Variants in NOVA2 observed in about 807,000 individuals in gnomAD.
NOVA2 encodes NOVA alternative splicing regulator 2, also known as RNA-binding protein Nova-2.
In NOVA2, 9 loss-of-function variants were observed where a neutral mutation model predicts 22.5. That is an observed-to-expected ratio of 0.40 (90% CI 0.24 to 0.70). The LOEUF is 0.70. NOVA2 is among the 30% of genes least tolerant of loss of function. The probability of loss-of-function intolerance (pLI) is 0.38; values close to 1 mark genes in which losing one functional copy is unlikely to be tolerated. For missense variants in NOVA2, 383 were observed against 682.8 expected (o/e 0.56, Z 4.89); for synonymous variants, 318 against 335.2 (o/e 0.95, Z 0.56).
At chr19:45,965,401 T>C (rs908788786) in intron 1 of NOVA2, among the ~76,000 whole-genome samples, 8 of 152,192 alleles carry the variant, frequency 5.3e-5, no homozygotes, top group Non-Finnish European at 1.2e-4. Flanking sequence ...CTGAGAATTT[T>C]TGTATGAAAC....
chr19:45,940,117 C>T lies in NOVA2; in HGVS notation c.1225G>A (p.Val409Met). 6.2e-7 allele frequency: 1 copy of T among 1,613,148 alleles called. No individual in the cohort carries two copies. The highest frequency in any genetic ancestry group is 8.5e-7 in the Non-Finnish European group (1 of 1,179,856). ...KLAAESAKEL[V>M]EIAVPENLVG... ...AGGTTCTCAGGCACCGCAATCTCCA[C>T]CAGCTCCTTGGCACTCTCAGCCGCC... The change falls in exon 4 of 4, where the codon GTG becomes ATG. Residue 409 changes from valine (V) to methionine (M), a missense_variant. Coordinates refer to ENST00000263257, the MANE Select transcript of NOVA2 (RefSeq NM_002516.4).
At chr19:45,944,790 G>A (rs987797099) in intron 3 of NOVA2, among the ~76,000 whole-genome samples, 1 of 152,228 alleles carries the variant, frequency 6.6e-6, no homozygotes, top group Non-Finnish European at 1.5e-5. Context: ...GGAGGAAGGG[G>A]ATTGGGGGTA....
At chr19:45,960,785 T>C (rs1008856434) in intron 2 of NOVA2, among the ~76,000 whole-genome samples, 2 of 152,004 alleles carry the variant, frequency 1.3e-5, no homozygotes, top group Non-Finnish European at 2.9e-5. Flanking sequence ...AATGAGCTCA[T>C]GAATATGCAG....
rs187729296 is a variant in NOVA2 at position 45,936,168 on chromosome 19, T to A, written c.*3695A>T. 2.0e-5 allele frequency: 3 copies of A among 152,316 alleles called. No homozygotes were observed. In the East Asian group the frequency reaches 5.8e-4, roughly 29 times the overall value. 9.4% of individuals were successfully genotyped at this position (152,316 alleles called of 1,614,324 possible). A position where few individuals can be genotyped will look rare whatever the true frequency, so the allele number is the denominator to read the frequency against. On this transcript the variant is annotated 3_prime_UTR_variant, in exon 4 of 4. Coordinates refer to ENST00000263257, the MANE Select transcript of NOVA2 (RefSeq NM_002516.4). ...TGGCACATCGAACCCCCTCTTCTCA[T>A]AGGAGCTTTGAGGTCCTTCTCTTGA...
Position 45,961,170 on chromosome 19 carries a change from G to T in NOVA2, c.86-17C>A. ...CGCCTTCCTCTGCGGGGGCACACAG[G>T]GTGGAGGGGAGTCAGCGGGGGAGGG... On this transcript the variant is annotated splice_polypyrimidine_tract_variant and intron_variant, in intron 1 of 3. Transcript: ENST00000263257. The T allele has an allele frequency of 6.3e-7, 1 of 1,595,408 alleles. No homozygotes were observed.
intron 1 of NOVA2, among the ~76,000 whole-genome samples, chr19:45,972,876 A>G (rs1355575513): frequency 3.9e-5 from 6 of 151,990 alleles, no homozygotes; most frequent in Non-Finnish European, 5.9e-5. Context: ...CTCCCGGTCC[A>G]CAGGCCTCTA....
intron 1 of NOVA2, among the ~76,000 whole-genome samples, chr19:45,964,326 C>T (rs1401006975): frequency 6.7e-6 from 1 of 148,750 alleles, no homozygotes; most frequent in Non-Finnish European, 1.5e-5. Context: ...ATTACAGGTG[C>T]CCACAACCAT....
chr19:45,934,222 A>C lies in NOVA2; in HGVS notation c.*5641T>G, dbSNP rs1249892997. On this transcript the variant is annotated 3_prime_UTR_variant, in exon 4 of 4. Transcript: ENST00000263257. ...CAAGCCTGGAGAGGAGGCTACCTTAAGGTCCTAAGAAGGATTTAGCAATCG... is the reference window on the plus strand; with the variant it reads ...CAAGCCTGGAGAGGAGGCTACCTTACGGTCCTAAGAAGGATTTAGCAATCG... The C allele has an allele frequency of 6.6e-6, 1 of 152,196 alleles. No individual in the cohort carries two copies. Among genetic ancestry groups the C allele is most frequent in the Non-Finnish European group, 1.5e-5 (1 of 68,072 alleles). The allele number at this position is 152,196 out of a possible 1,614,324, so 9.4% of individuals were successfully genotyped here.
chr19:45,964,913 G>A (rs936335057), intron 1 of NOVA2, among the ~76,000 whole-genome samples: 1 of 152,116 alleles, frequency 6.6e-6, no homozygotes, highest in African/African-American at 2.4e-5. Flanking sequence ...TGTGTAAGAT[G>A]GGGGTGTGGT....
At chr19:45,972,608 C>T (rs1968246767) in intron 1 of NOVA2, among the ~76,000 whole-genome samples, 1 of 152,080 alleles carries the variant, frequency 6.6e-6, no homozygotes, top group Admixed American at 6.6e-5. Context: ...TCTCATACAC[C>T]CCCCTATGCT....
At chr19:45,945,707 A>G (rs1007637219) in intron 3 of NOVA2, among the ~76,000 whole-genome samples, 2 of 152,222 alleles carry the variant, frequency 1.3e-5, no homozygotes, top group African/African-American at 4.8e-5. Context: ...TGTATATATG[A>G]ATATGAATAG....
intron 2 of NOVA2, among the ~76,000 whole-genome samples, chr19:45,954,162 C>T (rs1289831830): frequency 6.6e-6 from 1 of 152,176 alleles, no homozygotes; most frequent in Non-Finnish European, 1.5e-5. Context: ...CACTTCATCT[C>T]CCTCCCCTAA....
intron 1 of NOVA2, among the ~76,000 whole-genome samples, chr19:45,961,835 G>A (rs922466352): frequency 6.6e-6 from 1 of 152,174 alleles, no homozygotes; most frequent in Non-Finnish European, 1.5e-5. Context: ...AGGAAGGAAC[G>A]GAACCACATG....
chr19:45,939,604 G>C lies in NOVA2; in HGVS notation c.*259C>G. The C allele has an allele frequency of 1.9e-6, 1 of 539,918 alleles. No individual in the cohort carries two copies. The highest frequency in any genetic ancestry group is 3.3e-6 in the Non-Finnish European group (1 of 303,218). The allele number at this position is 539,918 out of a possible 1,614,324, so 33.4% of individuals were successfully genotyped here. Reference sequence around the variant, plus strand: ...AGACCTGGGCCCTGGGACAGGAAGGGTCAGGCCCAGCCAAGCACAGGGAGG... The same window carrying C: ...AGACCTGGGCCCTGGGACAGGAAGGCTCAGGCCCAGCCAAGCACAGGGAGG... On this transcript the variant is annotated 3_prime_UTR_variant, in exon 4 of 4. Transcript: ENST00000263257.
intron 2 of NOVA2, among the ~76,000 whole-genome samples, chr19:45,960,354 T>G (rs1250157103): frequency 4.5e-5 from 6 of 131,964 alleles, no homozygotes; most frequent in South Asian, 5.0e-4. Context: ...AAGGAAAGGA[T>G]GGGGAGAGAG....
chr19:45,964,348 T>TGTG (rs1968140153), intron 1 of NOVA2, among the ~76,000 whole-genome samples: 2 of 119,508 alleles, frequency 1.7e-5, no homozygotes, highest in African/African-American at 6.5e-5. Flanking sequence ...CCCGGCTAAT[T>TGTG]TGTGTGTGTG....
At chr19:45,959,049 A>G (rs1968056285) in intron 2 of NOVA2, among the ~76,000 whole-genome samples, 1 of 152,144 alleles carries the variant, frequency 6.6e-6, no homozygotes, top group Non-Finnish European at 1.5e-5. Flanking sequence ...AGCCACTGCT[A>G]TTGTCCCCAT....
At chr19:45,961,454 C>A (rs745312983) in intron 1 of NOVA2, among the ~76,000 whole-genome samples, 1 of 151,452 alleles carries the variant, frequency 6.6e-6, no homozygotes, top group African/African-American at 2.4e-5. Flanking sequence ...TAGCTACATT[C>A]TTCTAGGTGG....
intron 1 of NOVA2, among the ~76,000 whole-genome samples, chr19:45,969,078 G>A (rs1451681166): frequency 2.6e-5 from 4 of 152,196 alleles, no homozygotes; most frequent in Admixed American, 2.6e-4. Context: ...AGAATTGCTT[G>A]AACTCAGGAG....
Sources: gnomAD v4.1 joint callset for allele counts (sites outside exome capture counted in the v4.1 genomes callset) on GRCh38, gnomAD v4.1.1 for gene constraint, MANE v1.5 for transcripts, NCBI Gene and HGNC (gene_info 2026-07-23, HGNC 2026-07-21) for gene names.